Variants in CMIP observed in about 807,000 individuals in gnomAD.
The protein encoded by CMIP is c-Maf inducing protein, also known as C-Maf-inducing protein.
Under a neutral mutation model 97.3 loss-of-function variants are expected in CMIP, and 13 were observed. The ratio of observed to expected loss-of-function variants is 0.13; its 90% CI spans 0.09 to 0.21. CMIP has a LOEUF of 0.21. CMIP is among the 10% of genes least tolerant of loss of function. The pLI is 1.00. For synonymous variants in CMIP, 538 were observed against 436.3 expected, an observed-to-expected ratio of 1.23 and a Z score of -2.91; for missense variants, 847 against 1,024.9, an observed-to-expected ratio of 0.83 and a Z score of 2.37.
chr16:81,563,530 C>T (rs1489920713), intron 1 of CMIP, among the ~76,000 whole-genome samples: 2 of 152,154 alleles, frequency 1.3e-5, no homozygotes, highest in Non-Finnish European at 1.5e-5. Flanking sequence ...TGACACGTAC[C>T]GCATTATAGT....
chr16:81,479,394 T>G (rs78401412), intron 1 of CMIP, among the ~76,000 whole-genome samples: 2,209 of 152,224 alleles, frequency 0.015, 54 homozygotes, highest in African/African-American at 0.051. Context: ...GTTTTAAGTG[T>G]GCAGTTCATT....
rs139710512 is a variant in CMIP, at chr16:81,703,180, C to G, written c.1944+511C>G. ...TCCAGCCAGCAGGAAGGAGAACGTG[C>G]CCCTTCCTCTTAAGAAACTTCCTGG... On this transcript the variant is annotated intron_variant, in intron 17 of 20. Coordinates refer to ENST00000537098, the MANE Select transcript of CMIP (RefSeq NM_198390.3). Among the ~76,000 whole-genome samples, 436 of 152,230 alleles carry G rather than the reference C, an allele frequency of 2.9e-3. 3 individuals are homozygous for G. Among genetic ancestry groups the G allele is most frequent in the African/African-American group, 9.7e-3 (401 of 41,522 alleles).
chr16:81,688,855 G>A (rs772624440), intron 10 of CMIP, among the ~76,000 whole-genome samples: 5 of 152,028 alleles, frequency 3.3e-5, no homozygotes, highest in Admixed American at 6.6e-5. Context: ...TCCCCACCCC[G>A]TGGCCAAGTG....
At chr16:81,706,138 A>G (rs992649766) in intron 19 of CMIP, among the ~76,000 whole-genome samples, 2 of 152,250 alleles carry the variant, frequency 1.3e-5, no homozygotes, top group African/African-American at 2.4e-5. Context: ...CTGTGTGCCA[A>G]ACCCCAGGTG....
intron 1 of CMIP, among the ~76,000 whole-genome samples, chr16:81,605,627 C>G (rs1398151937): frequency 6.6e-6 from 1 of 152,212 alleles, no homozygotes; most frequent in Admixed American, 6.5e-5. Flanking sequence ...CCTTCTGCTC[C>G]TCCTTGAACA....
intron 1 of CMIP, among the ~76,000 whole-genome samples, chr16:81,545,293 C>G (rs1386782889): frequency 6.6e-6 from 1 of 152,216 alleles, no homozygotes; most frequent in African/African-American, 2.4e-5. Context: ...TAGAGAAGTC[C>G]TGCAGACGAA....
rs533095264 is a variant in CMIP, at chr16:81,573,690, T to G, written c.301-33877T>G. Among the ~76,000 whole-genome samples, 5 of 152,354 alleles carry G rather than the reference T, an allele frequency of 3.3e-5. No individual in the cohort carries two copies. The East Asian group carries it at 5.8e-4, about 18-fold the overall frequency. ...GACATCACCCATAGCATCAGGGTGT[T>G]GCTGAGAGAAGGGTTTTTTAAACCT... On this transcript the variant is annotated intron_variant, in intron 1 of 20. Transcript: ENST00000537098.
At chr16:81,550,842 CATCACACACACCCCA>C (rs2090638351) in intron 1 of CMIP, among the ~76,000 whole-genome samples, 3 of 149,574 alleles carry the variant, frequency 2.0e-5, no homozygotes, top group Non-Finnish European at 4.4e-5. Flanking sequence ...TCCCCAGTTC[CATCACACACACCCCA>C]GTTCCATCAC....
intron 1 of CMIP, among the ~76,000 whole-genome samples, chr16:81,545,234 T>C (rs1449124476): frequency 1.3e-5 from 2 of 152,186 alleles, no homozygotes; most frequent in African/African-American, 4.8e-5. Context: ...CCACAGGTAC[T>C]GTGGTGTTTG....
chr16:81,656,436 C>T (rs552879294), intron 4 of CMIP, among the ~76,000 whole-genome samples: 36 of 152,288 alleles, frequency 2.4e-4, no homozygotes, highest in Non-Finnish European at 4.0e-4. Context: ...TTAGGAAATA[C>T]GAATTGGCAC....
intron 1 of CMIP, among the ~76,000 whole-genome samples, chr16:81,514,045 A>G (rs2089863619): frequency 8.4e-6 from 1 of 119,656 alleles, no homozygotes; most frequent in Non-Finnish European, 1.7e-5. Flanking sequence ...CAAAAACAAA[A>G]CAAAACAAAA....
intron 1 of CMIP, among the ~76,000 whole-genome samples, chr16:81,450,474 A>G (rs985679253): frequency 1.3e-5 from 2 of 152,108 alleles, no homozygotes; most frequent in Non-Finnish European, 2.9e-5. Context: ...GGTTGCTGTA[A>G]GGATTGGAGA....
At chr16:81,543,430 T>C (rs1379423609) in intron 1 of CMIP, among the ~76,000 whole-genome samples, 1 of 152,142 alleles carries the variant, frequency 6.6e-6, no homozygotes, top group East Asian at 1.9e-4. Context: ...TGTCCCCACA[T>C]TGAAGTTCAG....
intron 1 of CMIP, chr16:81,518,082 G>T (rs2089950582): frequency 5.5e-6 from 1 of 181,468 alleles, no homozygotes; most frequent in Non-Finnish European, 1.1e-5. Flanking sequence ...GCAGCTGTTT[G>T]AGGACTCACC....
intron 1 of CMIP, chr16:81,464,521 C>G (rs909740707): frequency 1.3e-5 from 2 of 152,152 alleles, no homozygotes; most frequent in Non-Finnish European, 2.9e-5. Context: ...TTCATTCATT[C>G]ATTCATTCGT....
chr16:81,549,677 G>A (rs2090615371), intron 1 of CMIP, among the ~76,000 whole-genome samples: 1 of 152,200 alleles, frequency 6.6e-6, no homozygotes, highest in Non-Finnish European at 1.5e-5. Context: ...CGCCCCTAAA[G>A]GACACAGGCA....
intron 1 of CMIP, chr16:81,520,349 C>T (rs2089995947): frequency 6.6e-6 from 1 of 152,108 alleles, no homozygotes; most frequent in Non-Finnish European, 1.5e-5. Flanking sequence ...TTGAACAATG[C>T]CTAGAACAAA....
At chr16:81,452,665 A>G (rs886586345) in intron 1 of CMIP, among the ~76,000 whole-genome samples, 3 of 152,074 alleles carry the variant, frequency 2.0e-5, no homozygotes, top group Non-Finnish European at 4.4e-5. Context: ...GGAGGAGATC[A>G]TCTGTGGAAA....
intron 1 of CMIP, among the ~76,000 whole-genome samples, chr16:81,510,453 A>C (rs2150790128): frequency 6.6e-6 from 1 of 152,338 alleles, no homozygotes; most frequent in African/African-American, 2.4e-5. Flanking sequence ...ATCCTTTGAC[A>C]GTCTTCTGAG....
Sources: allele counts gnomAD v4.1 joint callset (sites outside exome capture counted in the v4.1 genomes callset), GRCh38; gene constraint gnomAD v4.1.1; transcripts MANE v1.5; gene names NCBI Gene and HGNC (gene_info 2026-07-23, HGNC 2026-07-21).